The following TTK variants were observed in gnomAD, a reference collection of about 807,000 sequenced individuals.
TTK encodes the protein TTK protein kinase.
TTK carries 59 observed loss-of-function variants against 117.3 expected under a neutral mutation model. That is an observed-to-expected ratio of 0.50 (90% CI 0.41 to 0.62). The LOEUF is 0.62. Ranked by LOEUF, TTK falls within the 20% of genes least tolerant of loss-of-function variation. The pLI is 0.00. For missense variants in TTK, 921 were observed against 989.4 expected, an observed-to-expected ratio of 0.93 and a Z score of 0.93; for synonymous variants, 302 against 325.0, an observed-to-expected ratio of 0.93 and a Z score of 0.76.
At chr6:80,035,905 A>G (rs577690686) in intron 16 of TTK, among the ~76,000 whole-genome samples, 28 of 151,634 alleles carry the variant, frequency 1.8e-4, no homozygotes, top group Non-Finnish European at 3.8e-4. Context: ...ACCTTATCCT[A>G]TATATTTTTT....
At chr6:80,042,043 A>G in intron 21 of TTK, 76 bp from the exon 22 acceptor site, 1 of 791,912 alleles carries the variant, frequency 1.3e-6, no homozygotes, top group Non-Finnish European at 2.0e-6. Flanking sequence ...TTTAGAATAC[A>G]TCAAAATACA....
chr6:80,020,920 A>C (rs552371630), intron 10 of TTK, among the ~76,000 whole-genome samples: 1 of 152,306 alleles, frequency 6.6e-6, no homozygotes, highest in East Asian at 1.9e-4. Context: ...TTCCAAACCC[A>C]TCCCCAAGAA....
At position 80,040,486 on chromosome 6, in the gene TTK, C is replaced by T. The variant is rs538923129; in HGVS notation, c.2393-120C>T. ...ATTTATTTTTACTTATTCCAGATAA[C>T]GGGTTATAATCAGTGATAAATTATA... On this transcript the variant is annotated intron_variant, in intron 20 of 21. Coordinates refer to ENST00000369798, the MANE Select transcript of TTK (RefSeq NM_003318.5). 2.7e-4 allele frequency: 249 copies of T among 913,452 alleles called. No individual in the cohort carries two copies. The African/African-American group carries it at 3.2e-3, about 12-fold the overall frequency. The allele number at this position is 913,452 out of a possible 1,614,324, so 56.6% of individuals were successfully genotyped here. A position where few individuals can be genotyped will look rare whatever the true frequency, so the allele number is the denominator to read the frequency against.
intron 9 of TTK, 24 bp from the exon 10 acceptor site, chr6:80,014,439 T>C (rs2295840): frequency 0.34 from 529,259 of 1,576,684 alleles, 95,448 homozygotes; most frequent in East Asian, 0.63. Context: ...TATGGGACTT[T>C]ATTTGATTTT....
Position 80,008,391 on chromosome 6 carries a change from A to T in TTK, c.368A>T (p.Gln123Leu). The T allele has an allele frequency of 1.2e-6, 2 of 1,609,974 alleles. No homozygotes were observed. The highest frequency in any genetic ancestry group is 1.7e-6 in the Non-Finnish European group (2 of 1,178,532). The change falls in exon 4 of 22, where the codon CAA (glutamine) becomes CTA (leucine). Residue 123 changes from glutamine (Q) to leucine (L), a missense_variant. Gln to Leu is a moderately radical substitution (Grantham distance 113). Coordinates refer to ENST00000369798, the MANE Select transcript of TTK (RefSeq NM_003318.5). ...QVRFAELKAIQEPDDARDYFQ... is the reference protein window; with the variant it reads ...QVRFAELKAILEPDDARDYFQ... ...ACTCAAATCTTTTATTACAGTATTC[A>T]AGAGCCAGATGATGCACGTGACTAC...
At chr6:80,008,119 T>C in intron 3 of TTK, 88 bp downstream of exon 3, 1 of 1,409,162 alleles carries the variant, frequency 7.1e-7, no homozygotes, top group Non-Finnish European at 9.5e-7. Context: ...CATGGCAGTA[T>C]TGTGAGAAAA....
chr6:80,042,226 A>C lies in TTK; in HGVS notation c.*24A>C, dbSNP rs367733007. On this transcript the variant is annotated 3_prime_UTR_variant, in exon 22 of 22. Coordinates refer to ENST00000369798, the MANE Select transcript of TTK (RefSeq NM_003318.5). ...GATTTGCAGTTATTCGTAATGTCAGATACCACCTATAAAATATATTGGACT... is the reference window on the plus strand; with the variant it reads ...GATTTGCAGTTATTCGTAATGTCAGCTACCACCTATAAAATATATTGGACT... The C allele has an allele frequency of 6.6e-7, 1 of 1,520,800 alleles. No homozygotes were observed. The highest frequency in any genetic ancestry group is 1.4e-5 in the African/African-American group (1 of 72,830). The allele number at this position is 1,520,800 out of a possible 1,614,324, so 94.2% of individuals were successfully genotyped here.
intron 3 of TTK, 52 bp downstream of exon 3, chr6:80,008,083 A>G (rs1292039699): frequency 1.3e-6 from 2 of 1,530,174 alleles, no homozygotes; most frequent in Non-Finnish European, 8.9e-7. Flanking sequence ...ATATGTAACT[A>G]CACTGCAAAG....
At position 80,034,461 on chromosome 6, in the gene TTK, T is replaced by G. The variant is rs150479231; in HGVS notation, c.1615-524T>G. ...GAGAAAACAACATCTGTGAATTGAA[T>G]TGACTCTGTATCATAGCCTTTAGTC... On this transcript the variant is annotated intron_variant, in intron 14 of 21. Coordinates refer to ENST00000369798, the MANE Select transcript of TTK (RefSeq NM_003318.5). Among the ~76,000 whole-genome samples the G allele has an allele frequency of 6.4e-3, 978 of 152,302 alleles. 7 individuals are homozygous for G. Among genetic ancestry groups the G allele is most frequent in the South Asian group, 0.027 (129 of 4,820 alleles).
At chr6:80,013,796 C>T (rs1767231233) in intron 9 of TTK, among the ~76,000 whole-genome samples, 1 of 151,900 alleles carries the variant, frequency 6.6e-6, no homozygotes, top group South Asian at 2.1e-4. Flanking sequence ...ATCCTGACCT[C>T]CTGACATGGC....
chr6:80,040,465 A>G (rs926579452), intron 20 of TTK, 141 bp from the exon 21 acceptor site: 8 of 880,454 alleles, frequency 9.1e-6, no homozygotes, highest in South Asian at 2.2e-5. Context: ...TCTGGTATTT[A>G]TTTTTACTTA....
chr6:80,036,329 TAA>T, intron 16 of TTK, 144 bp from the exon 17 acceptor site: 2 of 922,330 alleles, frequency 2.2e-6, no homozygotes, highest in East Asian at 2.7e-5. Flanking sequence ...AAGTGCTATG[TAA>T]ATATTTGCAG....
chr6:80,011,488 A>G lies in TTK; in HGVS notation c.668A>G (p.Gln223Arg). 6.2e-7 allele frequency: 1 copy of G among 1,609,664 alleles called. No homozygotes were observed. The highest frequency in any genetic ancestry group is 8.5e-7 in the Non-Finnish European group (1 of 1,178,348). Residue 223 changes from glutamine to arginine, a missense_variant, in exon 6 of 22, where the codon CAG becomes CGG. By Grantham distance (43) the Gln-to-Arg change is conservative. Coordinates refer to ENST00000369798, the MANE Select transcript of TTK (RefSeq NM_003318.5). Reference protein sequence around the residue: ...ESFSGSLGHLQNRNNSCDSRG... With the variant: ...ESFSGSLGHLRNRNNSCDSRG... ...TTTTCCGGTTCACTTGGGCATTTAC[A>G]GAATAGGAACAACAGTTGTGATTCC...
chr6:80,022,034 A>G (rs537917493), intron 10 of TTK, among the ~76,000 whole-genome samples: 1 of 152,308 alleles, frequency 6.6e-6, no homozygotes, highest in East Asian at 1.9e-4. Context: ...TAACATCTAT[A>G]TGTTTTTAAA....
At chr6:80,034,747 G>C (rs1343323520) in intron 14 of TTK, among the ~76,000 whole-genome samples, 1 of 152,066 alleles carries the variant, frequency 6.6e-6, no homozygotes, top group Non-Finnish European at 1.5e-5. Context: ...AGAAACTTTA[G>C]ATTTATACCT....
intron 12 of TTK, 64 bp downstream of exon 12, chr6:80,026,578 G>A: frequency 1.9e-6 from 3 of 1,585,070 alleles, no homozygotes; most frequent in South Asian, 1.2e-5. Context: ...TGGGCTTCTG[G>A]GCCAAATAAA....
At chr6:80,020,399 TAAAA>T (rs976341879) in intron 10 of TTK, among the ~76,000 whole-genome samples, 13 of 151,902 alleles carry the variant, frequency 8.6e-5, no homozygotes, top group Non-Finnish European at 1.9e-4. Context: ...ATAAGAAAAA[TAAAA>T]AAACAAAATC....
intron 10 of TTK, among the ~76,000 whole-genome samples, chr6:80,016,320 C>T (rs978538263): frequency 2.6e-5 from 4 of 152,152 alleles, no homozygotes; most frequent in African/African-American, 4.8e-5. Context: ...GTTGTGCTAA[C>T]CTTAGACCAG....
intron 8 of TTK, among the ~76,000 whole-genome samples, chr6:80,012,986 C>T (rs2127717233): frequency 6.6e-6 from 1 of 152,186 alleles, no homozygotes; most frequent in African/African-American, 2.4e-5. Context: ...AATGTAGTTT[C>T]ATCTGTATAC....
Sources: allele counts gnomAD v4.1 joint callset (sites outside exome capture counted in the v4.1 genomes callset), GRCh38; gene constraint gnomAD v4.1.1; transcripts MANE v1.5; gene names NCBI Gene and HGNC (gene_info 2026-07-23, HGNC 2026-07-21).